AP2A1: variants seen among roughly 807,000 people sequenced by gnomAD.
AP2A1 encodes adaptor related protein complex 2 subunit alpha 1.
In AP2A1, 21 loss-of-function variants were observed where a neutral mutation model predicts 107.3. The ratio of observed to expected loss-of-function variants is 0.20; its 90% confidence interval spans 0.14 to 0.28. The LOEUF (loss-of-function observed/expected upper bound fraction) is 0.28. Among genes scored for constraint, AP2A1 ranks in the 10% least tolerant of loss-of-function variants. The pLI is 1.00. For missense variants in AP2A1, 873 were observed against 1,307.7 expected, an observed-to-expected ratio of 0.67 and a Z score of 5.13; for synonymous variants, 602 against 564.8, an observed-to-expected ratio of 1.07 and a Z score of -0.93.
chr19:49,778,521 T>G (rs1441009645), intron 1 of AP2A1, among the ~76,000 whole-genome samples: 1 of 152,138 alleles, frequency 6.6e-6, no homozygotes, highest in African/African-American at 2.4e-5. Context: ...AGGCGGAGGT[T>G]GCAGTGAGCT....
chr19:49,802,479 T>A, intron 15 of AP2A1: 1 of 1,565,358 alleles, frequency 6.4e-7, no homozygotes, highest in Non-Finnish European at 8.7e-7. Context: ...CTATGTGGAA[T>A]TGGCTGCCTG....
chr19:49,800,258 T>G, intron 11 of AP2A1, 108 bp downstream of exon 11: 1 of 1,328,990 alleles, frequency 7.5e-7, no homozygotes, highest in Non-Finnish European at 1.0e-6. Context: ...CTCCTTCTCC[T>G]GCACTGCCGT....
intron 1 of AP2A1, among the ~76,000 whole-genome samples, chr19:49,774,135 C>T (rs531910964): frequency 6.6e-6 from 1 of 152,196 alleles, no homozygotes; most frequent in African/African-American, 2.4e-5. Context: ...CCCTTAAGAA[C>T]GGGACAGATG....
Position 49,803,090 on chromosome 19 carries a change from GC to G in AP2A1, c.2172-12del. On this transcript the variant is annotated splice_polypyrimidine_tract_variant and intron_variant, in intron 16 of 22. Transcript: ENST00000354293. ...CAGACAGGCACCCCCGTCATCTTGC[GC>G]CCCCTGCCCCCTCAGGTTTGTGTGT... 1.9e-6 allele frequency: 3 copies of G among 1,613,888 alleles called. No homozygotes were observed. Among genetic ancestry groups the G allele is most frequent in the Non-Finnish European group, 2.5e-6 (3 of 1,179,858 alleles).
At chr19:49,802,492 A>G (rs768559707) in intron 15 of AP2A1, 1 of 1,595,014 alleles carries the variant, frequency 6.3e-7, no homozygotes, top group South Asian at 1.1e-5. Flanking sequence ...GCTGCCTGCC[A>G]CGCCTGTCTT....
At chr19:49,802,859 C>T in intron 15 of AP2A1, 90 bp from the exon 16 acceptor site, 1 of 1,440,368 alleles carries the variant, frequency 6.9e-7, no homozygotes, top group Non-Finnish European at 9.5e-7. Context: ...GGGGTTCTGT[C>T]CTTAGGGCTT....
chr19:49,793,706 A>G (rs558211589), intron 6 of AP2A1, among the ~76,000 whole-genome samples: 58 of 152,162 alleles, frequency 3.8e-4, no homozygotes, highest in East Asian at 1.7e-3. Flanking sequence ...GACTCGTGCT[A>G]TAATGGAGGT....
At chr19:49,803,219 C>T (rs376057048) in intron 17 of AP2A1, 30 bp downstream of exon 17, 39 of 1,613,498 alleles carry the variant, frequency 2.4e-5, no homozygotes, top group Non-Finnish European at 3.1e-5. Context: ...GGGAATGGGT[C>T]GGAGGGAGAC....
chr19:49,802,086 G>C lies in AP2A1; in HGVS notation c.2059G>C (p.Asp687His). Residue 687 changes from aspartate to histidine, a missense_variant, in exon 15 of 23, where the codon GAT (aspartate) becomes CAT (histidine). Asp to His is a moderately conservative substitution (Grantham distance 81). Around this residue, in one of 4 missense-constraint regions of AP2A1, gnomAD observed 416 missense variants for 473.4 expected, o/e 0.88. Coordinates refer to ENST00000354293, the MANE Select transcript of AP2A1 (RefSeq NM_130787.3). ...GAGNLLVDVF[D>H]GPAAQPSLGP... ...AGGGAACCTTCTGGTGGACGTCTTC[G>C]ATGGCCCGGCCGCCCAGCCCAGCCT... is the stretch of plus-strand genomic sequence containing the variant. 1 of 1,591,660 alleles carries C rather than the reference G, an allele frequency of 6.3e-7. No homozygotes were observed. The highest frequency in any genetic ancestry group is 2.3e-5 in the East Asian group (1 of 44,246).
At position 49,793,053 on chromosome 19, in the gene AP2A1, C is replaced by A; in HGVS notation, c.666C>A (p.Phe222Leu). ...TCLCKKNPDD[F>L]KTCVSLAVSR... ...TCTGCAAGAAGAACCCAGATGACTTCAAGACGTGCGTCTCTCTGGCTGTGT... is the reference window on the plus strand; with the variant it reads ...TCTGCAAGAAGAACCCAGATGACTTAAAGACGTGCGTCTCTCTGGCTGTGT... Residue 222 changes from phenylalanine (F) to leucine (L), a missense_variant, in exon 6 of 23, where the codon TTC becomes TTA. By Grantham distance (22) the Phe-to-Leu change is conservative. Transcript: ENST00000354293. The A allele has an allele frequency of 6.2e-7, 1 of 1,610,552 alleles. No homozygotes were observed. Among genetic ancestry groups the A allele is most frequent in the Non-Finnish European group, 8.5e-7 (1 of 1,178,494 alleles).
intron 18 of AP2A1, 114 bp from the exon 19 acceptor site, chr19:49,805,339 A>T: frequency 1.6e-6 from 2 of 1,243,318 alleles, no homozygotes; most frequent in South Asian, 3.1e-5. Context: ...GGATTGCACC[A>T]TGGGGTCCCT....
chr19:49,787,326 C>CTTTTTTT (rs201187935), intron 4 of AP2A1, among the ~76,000 whole-genome samples: 7 of 116,764 alleles, frequency 6.0e-5, no homozygotes, highest in African/African-American at 1.5e-4. Flanking sequence ...CCCATCTAGG[C>CTTTTTTT]TTTTTTTGTT....
chr19:49,781,881 C>T, intron 2 of AP2A1, 56 bp downstream of exon 2: 3 of 1,608,486 alleles, frequency 1.9e-6, no homozygotes, highest in East Asian at 2.2e-5. Flanking sequence ...GGAGCTGGGG[C>T]TCCTGTGACC....
At chr19:49,767,885 T>G (rs2084519633) in intron 1 of AP2A1, among the ~76,000 whole-genome samples, 2 of 149,732 alleles carry the variant, frequency 1.3e-5, no homozygotes, top group Non-Finnish European at 1.5e-5. Flanking sequence ...TGGAGGGGGC[T>G]AGAGGGGCAG....
intron 6 of AP2A1, among the ~76,000 whole-genome samples, chr19:49,794,751 C>T (rs1045510799): frequency 1.5e-4 from 23 of 152,232 alleles, no homozygotes; most frequent in African/African-American, 5.1e-4. Context: ...CAACCTCTGC[C>T]TCCCGGGTTC....
chr19:49,782,829 C>T (rs1221353103), intron 4 of AP2A1, 105 bp downstream of exon 4: 16 of 1,319,944 alleles, frequency 1.2e-5, no homozygotes, highest in Admixed American at 7.4e-5. Context: ...GTCTCCCAGC[C>T]GAGATGTGGG....
In AP2A1 at chr19:49,782,696, G is replaced by A. The variant is rs370277861; in HGVS notation, c.445G>A (p.Ala149Thr). The A allele has an allele frequency of 6.1e-5, 98 of 1,607,662 alleles. No homozygotes were observed. The highest frequency in any genetic ancestry group is 3.6e-4 in the East Asian group (16 of 44,710). ...CCGGGAGATGGGCGAGGCCTTTGCC[G>A]CTGACATCCCCCGCATCCTGGTGGC... ...GSREMGEAFA[A>T]DIPRILVAGD... The change falls in exon 4 of 23, where the codon GCT (alanine) becomes ACT (threonine). Residue 149 changes from alanine to threonine, a missense_variant. Around this residue, in one of 4 missense-constraint regions of AP2A1, gnomAD observed 157 missense variants for 212.6 expected, o/e 0.74. Transcript: ENST00000354293.
In AP2A1 at chr19:49,788,079, C is replaced by T. The variant is rs558411962; in HGVS notation, c.474-3856C>T. On this transcript the variant is annotated intron_variant, in intron 4 of 22. Coordinates refer to ENST00000354293, the MANE Select transcript of AP2A1 (RefSeq NM_130787.3). This position sits in a 1 kb window ranked among gnomAD's most constrained non-coding sequence, Gnocchi z 4.5. The stretch of plus-strand genomic sequence containing the variant: ...CTCCCACGTCAGCCACTCCAGCAGC[C>T]GGGACTACAGGCACAAGCCACCAGG... 8.5e-5 allele frequency among the ~76,000 whole-genome samples: 13 copies of T among 152,220 alleles called. No homozygotes were observed. In the East Asian group the frequency reaches 1.4e-3, roughly 16 times the overall value.
chr19:49,767,044 C>T lies in AP2A1; in HGVS notation c.-90C>T, dbSNP rs2123649138. 1.4e-6 allele frequency: 2 copies of T among 1,399,822 alleles called. No homozygotes were observed. The highest frequency in any genetic ancestry group is 3.0e-5 in the East Asian group (1 of 33,336). 86.7% of individuals were successfully genotyped at this position (1,399,822 alleles called of 1,614,324 possible). On this transcript the variant is annotated 5_prime_UTR_variant, in exon 1 of 23. Transcript: ENST00000354293. Reference sequence around the variant, plus strand: ...CGGCCGGCTCGGCTCCTTGGCGCTGCCTGGGGTCCTTTCCGCCCGGTCCCC... The same window carrying T: ...CGGCCGGCTCGGCTCCTTGGCGCTGTCTGGGGTCCTTTCCGCCCGGTCCCC...
Sources: gnomAD v4.1 joint callset for allele counts (sites outside exome capture counted in the v4.1 genomes callset) on GRCh38, gnomAD v4.1.1 for gene constraint, gnomAD v4.1.1 regional missense constraint, Gnocchi (gnomAD v3.1) non-coding constraint, MANE v1.5 for transcripts, NCBI Gene and HGNC (gene_info 2026-07-23, HGNC 2026-07-21) for gene names.